MBNL3: variants seen among roughly 807,000 people sequenced by gnomAD.
MBNL3 encodes muscleblind-like protein 3.
Under a neutral mutation model 24.5 loss-of-function variants are expected in MBNL3, and 6 were observed. The ratio of observed to expected loss-of-function variants is 0.25; its 90% CI spans 0.13 to 0.48. The LOEUF is 0.48. MBNL3 is among the 20% of genes least tolerant of loss of function. The pLI, the probability that MBNL3 is intolerant of heterozygous loss-of-function variation, is 0.99. For synonymous variants in MBNL3, 100 were observed against 101.7 expected, an observed-to-expected ratio of 0.98 and a Z score of 0.10; for missense variants, 230 against 293.5, an observed-to-expected ratio of 0.78 and a Z score of 1.58.
At chrX:132,411,544 A>G (rs1383685963) in intron 2 of MBNL3, 1 of 390,269 alleles carries the variant, frequency 2.6e-6, no homozygotes, top group Non-Finnish European at 3.3e-6. Flanking sequence ...GTCCTAATTC[A>G]TAAGCAGCTC....
At position 132,488,896 on chromosome X, in the gene MBNL3, A is replaced by T. The variant is rs979208963; in HGVS notation, c.-749T>A. On this transcript the variant is annotated 5_prime_UTR_variant, in exon 1 of 9. It removes the in-frame stop codon of an upstream open reading frame in the 5' UTR. Transcript: ENST00000370853. ...CCAGAGGCTAAGGGGCCCTGCTCTCAGCGGCAGCAGCAGGGGCAGCGGCAG... is the reference window on the plus strand; with the variant it reads ...CCAGAGGCTAAGGGGCCCTGCTCTCTGCGGCAGCAGCAGGGGCAGCGGCAG... The T allele has an allele frequency of 1.6e-4, 18 of 113,605 alleles. No homozygotes were observed. The highest frequency in any genetic ancestry group is 1.6e-3 in the Admixed American group (17 of 10,877). The allele number at this position is 113,605 out of a possible 1,213,427, so 9.4% of individuals were successfully genotyped here.
At chrX:132,483,276 G>T (rs1947837210) in intron 1 of MBNL3, among the ~76,000 whole-genome samples, 1 of 111,723 alleles carries the variant, frequency 9.0e-6, no homozygotes, top group Admixed American at 9.5e-5. Flanking sequence ...CTCTTCACTT[G>T]GGTACTGAGG....
chrX:132,390,492 C>T (rs1937021105), intron 5 of MBNL3, among the ~76,000 whole-genome samples: 1 of 110,200 alleles, frequency 9.1e-6, no homozygotes, highest in African/African-American at 3.3e-5. Flanking sequence ...ATGAAAGTGG[C>T]TCACAGAGCA....
chrX:132,370,892 A>G lies in MBNL3; in HGVS notation c.*8774T>C, dbSNP rs906589305. 3.6e-5 allele frequency: 4 copies of G among 111,807 alleles called. No individual in the cohort carries two copies. The highest frequency in any genetic ancestry group is 1.3e-4 in the African/African-American group (4 of 30,745). The allele number at this position is 111,807 out of a possible 1,213,427, so 9.2% of individuals were successfully genotyped here. ...TACATCTGGTTTTGCCTGTGGGTCA[A>G]CTTTCTTCCAGCCAATAGAAACTCC... On this transcript the variant is annotated 3_prime_UTR_variant, in exon 9 of 9. Transcript: ENST00000370853.
chrX:132,467,824 G>A (rs1456528996), intron 1 of MBNL3, among the ~76,000 whole-genome samples: 2 of 112,032 alleles, frequency 1.8e-5, no homozygotes, highest in Non-Finnish European at 3.8e-5. Context: ...TATCATCACT[G>A]TACTGGAAAT....
chrX:132,470,621 T>C (rs1023768987), intron 1 of MBNL3, among the ~76,000 whole-genome samples: 1 of 111,826 alleles, frequency 8.9e-6, no homozygotes, highest in East Asian at 2.8e-4. Flanking sequence ...CTTTTAAAAG[T>C]CTGAAACATT....
intron 2 of MBNL3, among the ~76,000 whole-genome samples, chrX:132,409,599 A>T (rs1458479584): frequency 9.0e-6 from 1 of 110,632 alleles, no homozygotes; most frequent in Admixed American, 9.6e-5. Flanking sequence ...TCCAATCTAG[A>T]CCCACAGGTT....
intron 3 of MBNL3, 147 bp downstream of exon 3, chrX:132,406,081 G>C: frequency 1.6e-6 from 1 of 633,334 alleles, no homozygotes; most frequent in South Asian, 2.7e-5. Flanking sequence ...ACACCTGACT[G>C]CTCTCTTCAA....
intron 2 of MBNL3, 74 bp downstream of exon 2, chrX:132,439,361 T>C (rs1945286518): frequency 9.6e-7 from 1 of 1,045,910 alleles, no homozygotes; most frequent in Non-Finnish European, 1.3e-6. Flanking sequence ...ATTTTACTCA[T>C]TTCAAAGCAC....
At position 132,370,303 on chromosome X, in the gene MBNL3, T is replaced by A. The variant is rs943365567; in HGVS notation, c.*9363A>T. ...GTCATTGTATCATGCCCTCTACAGA[T>A]GATGACCATGGGAATGGATTCTGGT... On this transcript the variant is annotated 3_prime_UTR_variant, in exon 9 of 9. Coordinates refer to ENST00000370853, the MANE Select transcript of MBNL3 (RefSeq NM_001386889.1). The A allele has an allele frequency of 1.8e-5, 2 of 112,083 alleles. No individual in the cohort carries two copies. Among genetic ancestry groups the A allele is most frequent in the African/African-American group, 6.5e-5 (2 of 30,839 alleles). 9.2% of individuals were successfully genotyped at this position (112,083 alleles called of 1,213,427 possible).
At position 132,372,757 on chromosome X, in the gene MBNL3, G is replaced by A. The variant is rs1313088200; in HGVS notation, c.*6909C>T. On this transcript the variant is annotated 3_prime_UTR_variant, in exon 9 of 9. Coordinates refer to ENST00000370853, the MANE Select transcript of MBNL3 (RefSeq NM_001386889.1). Reference sequence around the variant, plus strand: ...AATAGTTAGGTTACTTTTAGGTCTTGTTACAGAGGTATTTTTTAAAAAACT... The same window carrying A: ...AATAGTTAGGTTACTTTTAGGTCTTATTACAGAGGTATTTTTTAAAAAACT... 1 of 111,091 alleles carries A rather than the reference G, an allele frequency of 9.0e-6. No individual in the cohort carries two copies. The highest frequency in any genetic ancestry group is 1.9e-5 in the Non-Finnish European group (1 of 52,900). 9.2% of individuals were successfully genotyped at this position (111,091 alleles called of 1,213,427 possible). A position where few individuals can be genotyped will look rare whatever the true frequency, so the allele number is the denominator to read the frequency against.
At chrX:132,386,538 T>C in intron 6 of MBNL3, 123 bp downstream of exon 6, 4 of 783,499 alleles carry the variant, frequency 5.1e-6, no homozygotes, top group Non-Finnish European at 5.2e-6. Flanking sequence ...AACTTCCTTG[T>C]TTTATTTTTA....
chrX:132,476,923 C>T (rs1385913957), intron 1 of MBNL3, among the ~76,000 whole-genome samples: 2 of 111,576 alleles, frequency 1.8e-5, no homozygotes, highest in East Asian at 2.8e-4. Flanking sequence ...CACACTCAAA[C>T]CCCCCACACC....
chrX:132,472,362 G>T (rs1947226292), intron 1 of MBNL3, among the ~76,000 whole-genome samples: 1 of 111,839 alleles, frequency 8.9e-6, no homozygotes, highest in Non-Finnish European at 1.9e-5. Flanking sequence ...AAATTGATTG[G>T]AATTTGAATT....
chrX:132,396,534 ATATATATATTCC>A (rs1325118601), intron 3 of MBNL3, among the ~76,000 whole-genome samples: 12 of 43,692 alleles, frequency 2.7e-4, no homozygotes, highest in African/African-American at 1.3e-3. Context: ...ATATATATTC[ATATATATATTCC>A]TATATATTCC....
Position 132,392,237 on chromosome X carries a change from A to G in MBNL3, c.440T>C (p.Leu147Pro), listed in dbSNP as rs1937296422. ...AATCAGAACAGGTGTATTTGGTACA[A>G]GTTCTGCAGGAACGAGGCCCATCCC... ...HPGMGLVPAE[L>P]VPNTPVLIPG... Residue 147 changes from leucine to proline, a missense_variant, in exon 4 of 9, where the codon CTT becomes CCT. Leu to Pro is a moderately conservative substitution (Grantham distance 98, BLOSUM62 -3). Coordinates refer to ENST00000370853, the MANE Select transcript of MBNL3 (RefSeq NM_001386889.1). 8.3e-7 allele frequency: 1 copy of G among 1,208,445 alleles called. No individual in the cohort carries two copies. The highest frequency in any genetic ancestry group is 1.1e-6 in the Non-Finnish European group (1 of 894,087).
chrX:132,467,985 C>T (rs1351977794), intron 1 of MBNL3, among the ~76,000 whole-genome samples: 1 of 111,779 alleles, frequency 8.9e-6, no homozygotes, highest in Admixed American at 9.5e-5. Flanking sequence ...CCAAACACTG[C>T]CAAAAACATT....
At chrX:132,389,142 C>T (rs772901387) in intron 5 of MBNL3, among the ~76,000 whole-genome samples, 4 of 112,255 alleles carry the variant, frequency 3.6e-5, no homozygotes, top group African/African-American at 1.3e-4. Flanking sequence ...ATAATTACCC[C>T]TTCAAAAGCA....
At chrX:132,443,065 G>T (rs1304122639) in intron 1 of MBNL3, among the ~76,000 whole-genome samples, 1 of 112,187 alleles carries the variant, frequency 8.9e-6, no homozygotes, top group Non-Finnish European at 1.9e-5. Flanking sequence ...TAGGAATACA[G>T]TTCTGCTTCT....
Sources: gnomAD v4.1 joint callset for allele counts (sites outside exome capture counted in the v4.1 genomes callset) on GRCh38, gnomAD v4.1.1 for gene constraint, MANE v1.5 for transcripts, NCBI Gene and HGNC (gene_info 2026-07-23, HGNC 2026-07-21) for gene names.